Variants in DUSP4 observed in about 807,000 individuals in gnomAD.
DUSP4 encodes dual specificity phosphatase 4.
DUSP4 carries 12 observed loss-of-function variants against 27.2 expected under a neutral mutation model. That is an observed-to-expected ratio of 0.44 (90% CI 0.28 to 0.71). The LOEUF (loss-of-function observed/expected upper bound fraction) is 0.71, where lower values mean the gene tolerates loss of function less well. Ranked by LOEUF, DUSP4 falls within the 30% of genes least tolerant of loss-of-function variation. The probability of loss-of-function intolerance (pLI) is 0.14; values close to 1 mark genes in which losing one functional copy is unlikely to be tolerated. For synonymous variants in DUSP4, 257 were observed against 245.2 expected (o/e 1.05, Z -0.45); for missense variants, 448 against 551.3 (o/e 0.81, Z 1.88).
intron 1 of DUSP4, among the ~76,000 whole-genome samples, chr8:29,349,404 C>A (rs567829971): frequency 3.3e-5 from 5 of 152,116 alleles, no homozygotes; most frequent in Non-Finnish European, 5.9e-5. Context: ...GGCGCCCACC[C>A]CTCTTCACCT....
intron 1 of DUSP4, chr8:29,348,833 C>A (rs1044445890): frequency 2.0e-6 from 2 of 984,322 alleles, no homozygotes; most frequent in Non-Finnish European, 2.4e-6. Flanking sequence ...GCAGACCCTA[C>A]CCGCGCGGAA....
At chr8:29,347,173 C>T (rs1817747773) in intron 1 of DUSP4, among the ~76,000 whole-genome samples, 1 of 152,216 alleles carries the variant, frequency 6.6e-6, no homozygotes, top group Admixed American at 6.5e-5. Flanking sequence ...CTTTAGGTCT[C>T]TGCCCCAGAG....
At chr8:29,342,762 A>G (rs533959303) in intron 1 of DUSP4, among the ~76,000 whole-genome samples, 19 of 152,306 alleles carry the variant, frequency 1.2e-4, no homozygotes, top group Admixed American at 1.2e-3. Flanking sequence ...GCCATTCGTC[A>G]TCTCCCCCAG....
Position 29,347,303 on chromosome 8 carries a change from T to C in DUSP4, c.433+2543A>G, listed in dbSNP as rs1000900931. Among the ~76,000 whole-genome samples the C allele has an allele frequency of 2.0e-5, 3 of 152,238 alleles. No individual in the cohort carries two copies. The East Asian group carries it at 5.8e-4, about 29-fold the overall frequency. On this transcript the variant is annotated intron_variant, in intron 1 of 3. Transcript: ENST00000240100. ...TCCCCAGCCCCTTCCCGCAGAGCTGTGGGAGCAGATACTGACTTTTTCCTT... is the reference window on the plus strand; with the variant it reads ...TCCCCAGCCCCTTCCCGCAGAGCTGCGGGAGCAGATACTGACTTTTTCCTT...
chr8:29,334,789 C>T lies in DUSP4; in HGVS notation c.*2237G>A, dbSNP rs1817545624. 6.6e-6 allele frequency: 1 copy of T among 152,210 alleles called. No homozygotes were observed. The highest frequency in any genetic ancestry group is 1.5e-5 in the Non-Finnish European group (1 of 68,040). 9.4% of individuals were successfully genotyped at this position (152,210 alleles called of 1,614,324 possible). A position where few individuals can be genotyped will look rare whatever the true frequency, so the allele number is the denominator to read the frequency against. On this transcript the variant is annotated 3_prime_UTR_variant, in exon 4 of 4. Transcript: ENST00000240100. ...TGTTGTCTCTAAATGGTTCCATTGT[C>T]TGGGAACTGAAACCCTCCATGCTTC...
In DUSP4 at chr8:29,336,857, C is replaced by T. The variant is rs998863761; in HGVS notation, c.*169G>A. On this transcript the variant is annotated 3_prime_UTR_variant, in exon 4 of 4. Transcript: ENST00000240100. The stretch of plus-strand genomic sequence containing the variant: ...GTTCTGTTTGCTTTTATTATGTATT[C>T]GGAGTCCTTATTGCCATTCTGGCTG... The T allele has an allele frequency of 4.3e-5, 40 of 934,782 alleles. No homozygotes were observed. Among genetic ancestry groups the T allele is most frequent in the Non-Finnish European group, 5.1e-5 (33 of 650,186 alleles). The allele number at this position is 934,782 out of a possible 1,614,324, so 57.9% of individuals were successfully genotyped here.
chr8:29,338,026 C>T (rs889502618), intron 3 of DUSP4, among the ~76,000 whole-genome samples: 2 of 152,190 alleles, frequency 1.3e-5, no homozygotes, highest in African/African-American at 4.8e-5. Context: ...CGTCCAAAAA[C>T]TCTTACCATC....
chr8:29,339,376 T>G (rs1587045198), intron 2 of DUSP4, among the ~76,000 whole-genome samples: 1 of 151,866 alleles, frequency 6.6e-6, no homozygotes, highest in African/African-American at 2.4e-5. Flanking sequence ...GGAGGGAGGG[T>G]GGGTGACCAT....
At chr8:29,340,274 G>C (rs748136352) in intron 1 of DUSP4, 31 bp from the exon 2 acceptor site, 1 of 1,572,586 alleles carries the variant, frequency 6.4e-7, no homozygotes, top group Admixed American at 1.9e-5. Flanking sequence ...CAGGTTAATG[G>C]GGTCACTAAG....
chr8:29,347,822 C>G (rs1171420173), intron 1 of DUSP4: 2 of 985,484 alleles, frequency 2.0e-6, no homozygotes, highest in South Asian at 4.7e-5. Flanking sequence ...TCACTAGCCT[C>G]GCCCAGAATC....
rs1374984320 is a variant in DUSP4, at chr8:29,335,202, C to T, written c.*1824G>A. On this transcript the variant is annotated 3_prime_UTR_variant, in exon 4 of 4. Coordinates refer to ENST00000240100, the MANE Select transcript of DUSP4 (RefSeq NM_001394.7). ...CAAAATAGCATGTAGCTTGTTCCCT[C>T]CTCCCTCCCCCCCAAACCCTCCCCA... The T allele has an allele frequency of 6.6e-6, 1 of 151,340 alleles. No homozygotes were observed. Among genetic ancestry groups the T allele is most frequent in the Non-Finnish European group, 1.5e-5 (1 of 67,842 alleles). 9.4% of individuals were successfully genotyped at this position (151,340 alleles called of 1,614,324 possible).
At chr8:29,341,161 T>C (rs1180023498) in intron 1 of DUSP4, among the ~76,000 whole-genome samples, 1 of 152,210 alleles carries the variant, frequency 6.6e-6, no homozygotes, top group Non-Finnish European at 1.5e-5. Flanking sequence ...TTATTTTTAT[T>C]TTACAGTGTC....
rs143700259 is a variant in DUSP4 at position 29,339,004 on chromosome 8, C to T, written c.580-503G>A. Among the ~76,000 whole-genome samples, 467 of 152,296 alleles carry T rather than the reference C, an allele frequency of 3.1e-3. 3 individuals carry two copies. Among genetic ancestry groups the T allele is most frequent in the African/African-American group, 0.011 (453 of 41,552 alleles). On this transcript the variant is annotated intron_variant, in intron 2 of 3. Transcript: ENST00000240100. ...CCAGGAGTTCCAAGACCAGCATGGG[C>T]AACACAGTGAGACCTCATCTCTCAA...
chr8:29,348,008 G>A lies in DUSP4; in HGVS notation c.433+1838C>T, dbSNP rs80122885. The A allele has an allele frequency of 2.4e-3, 2,387 of 985,536 alleles. 43 individuals are homozygous for A. The African/African-American group carries it at 0.038, about 16-fold the overall frequency. The allele number at this position is 985,536 out of a possible 1,614,324, so 61.0% of individuals were successfully genotyped here. A position where few individuals can be genotyped will look rare whatever the true frequency, so the allele number is the denominator to read the frequency against. On this transcript the variant is annotated intron_variant, in intron 1 of 3. Transcript: ENST00000240100. ...GTGGCTGCACCCCCGGAAGCCCAAG[G>A]GCCGAGGTCCTGGAGCTGCCGCTCT... is the stretch of plus-strand genomic sequence containing the variant.
Position 29,337,119 on chromosome 8 carries a change from G to C in DUSP4, c.1092C>G (p.Phe364Leu), listed in dbSNP as rs368211989. 2.1e-5 allele frequency: 34 copies of C among 1,610,780 alleles called. No individual in the cohort carries two copies. The highest frequency in any genetic ancestry group is 2.9e-5 in the Non-Finnish European group (34 of 1,178,582). ...CCACGGAGACCGGAAAGCTGAAGAC[G>C]AACTGCGAGGTGGGGGTGGCGGGGG... ...GKTPATPTSQ[F>L]VFSFPVSVGV... Residue 364 changes from phenylalanine to leucine, a missense_variant, in exon 4 of 4, where the codon TTC becomes TTG. Coordinates refer to ENST00000240100, the MANE Select transcript of DUSP4 (RefSeq NM_001394.7). The surrounding 1 kb of genome is among the most constrained non-coding windows in gnomAD (Gnocchi z 6.4).
intron 1 of DUSP4, among the ~76,000 whole-genome samples, chr8:29,347,619 G>A (rs1817754049): frequency 6.6e-6 from 1 of 152,214 alleles, no homozygotes; most frequent in South Asian, 2.1e-4. Context: ...GCCCAGGCCT[G>A]CACACCTCCA....
chr8:29,346,141 C>A, intron 1 of DUSP4: 6 of 923,982 alleles, frequency 6.5e-6, no homozygotes, highest in Non-Finnish European at 7.8e-6. Context: ...TTCCTCTCCC[C>A]CCACATTCAT....
At chr8:29,348,810 C>T (rs948527420) in intron 1 of DUSP4, 9 of 984,842 alleles carry the variant, frequency 9.1e-6, no homozygotes, top group Admixed American at 6.1e-5. Flanking sequence ...AACTGCCTAC[C>T]GGGCTCGGAA....
At position 29,337,314 on chromosome 8, in the gene DUSP4, T is replaced by C; in HGVS notation, c.897A>G (p.Lys299=). Residue 299 remains lysine (K), a synonymous_variant, in exon 4 of 4, where the codon AAA becomes AAG. Coordinates refer to ENST00000240100, the MANE Select transcript of DUSP4 (RefSeq NM_001394.7). This position sits in a 1 kb window ranked among gnomAD's most constrained non-coding sequence, Gnocchi z 6.4. ...TICLAYLMMK[K]RVRLEEAFEF... is the part of the protein sequence containing the mutation. ...CGAAGGCCTCCTCCAGCCTCACCCG[T>C]TTCTTCATCATCAGGTAGGCCAGGC... 1 of 1,612,922 alleles carries C rather than the reference T, an allele frequency of 6.2e-7. No homozygotes were observed. Among genetic ancestry groups the C allele is most frequent in the Non-Finnish European group, 8.5e-7 (1 of 1,179,972 alleles).
Sources: allele counts gnomAD v4.1 joint callset (sites outside exome capture counted in the v4.1 genomes callset), GRCh38; gene constraint gnomAD v4.1.1; non-coding constraint Gnocchi (gnomAD v3.1); transcripts MANE v1.5; gene names NCBI Gene and HGNC (gene_info 2026-07-23, HGNC 2026-07-21).